The following HECW1 variants were observed in gnomAD, a reference collection of about 807,000 sequenced individuals.
HECW1 encodes E3 ubiquitin-protein ligase HECW1.
HECW1 carries 61 observed loss-of-function variants against 182.3 expected under a neutral mutation model. The observed-to-expected ratio is 0.33, with a 90% CI of 0.27 to 0.41. HECW1 has a LOEUF of 0.41. HECW1 is among the 10% of genes least tolerant of loss of function. The pLI, the probability that HECW1 is intolerant of heterozygous loss-of-function variation, is 1.00. For missense variants in HECW1, 1,739 were observed against 2,108.9 expected, an observed-to-expected ratio of 0.82 and a Z score of 3.44; for synonymous variants, 859 against 832.6, an observed-to-expected ratio of 1.03 and a Z score of -0.55.
chr7:43,252,843 G>A (rs1800179350), intron 3 of HECW1, among the ~76,000 whole-genome samples: 1 of 152,222 alleles, frequency 6.6e-6, no homozygotes, highest in Non-Finnish European at 1.5e-5. Context: ...GATGTAGAAT[G>A]TGGAAAAACT....
intron 24 of HECW1, chr7:43,523,257 G>A (rs1341806939): frequency 1.4e-5 from 3 of 220,968 alleles, no homozygotes; most frequent in Admixed American, 1.0e-4. Flanking sequence ...CACCTGCCTC[G>A]GCCTCCCAAA....
intron 8 of HECW1, among the ~76,000 whole-genome samples, chr7:43,416,703 C>A (rs1240702359): frequency 1.2e-4 from 18 of 145,480 alleles, no homozygotes; most frequent in South Asian, 2.3e-4. Context: ...TAGGACCCTC[C>A]GAGACAGGTG....
At chr7:43,237,499 T>C (rs1360739710) in intron 2 of HECW1, among the ~76,000 whole-genome samples, 2 of 152,190 alleles carry the variant, frequency 1.3e-5, no homozygotes, top group Non-Finnish European at 2.9e-5. Flanking sequence ...TGCTCCTTAC[T>C]ACTTGCATGA....
chr7:43,298,474 G>A (rs1279280816), intron 3 of HECW1, among the ~76,000 whole-genome samples: 1 of 152,200 alleles, frequency 6.6e-6, no homozygotes, highest in Non-Finnish European at 1.5e-5. Flanking sequence ...TAATAAAGCA[G>A]TAGTCATATG....
chr7:43,113,266 G>T (rs575804065), intron 1 of HECW1, among the ~76,000 whole-genome samples: 9 of 152,272 alleles, frequency 5.9e-5, no homozygotes, highest in African/African-American at 1.9e-4. Flanking sequence ...CCTCCCAGTG[G>T]CGAGGAGGTG....
intron 5 of HECW1, among the ~76,000 whole-genome samples, chr7:43,330,724 G>A (rs1487339792): frequency 6.6e-6 from 1 of 152,194 alleles, no homozygotes; most frequent in Non-Finnish European, 1.5e-5. Flanking sequence ...ACTGTAGGCT[G>A]AAAGGTATAG....
chr7:43,425,575 C>G (rs1007048210), intron 8 of HECW1, among the ~76,000 whole-genome samples: 4 of 151,964 alleles, frequency 2.6e-5, no homozygotes, highest in Admixed American at 2.0e-4. Context: ...TAATGGAATA[C>G]GACAGACTGG....
intron 6 of HECW1, among the ~76,000 whole-genome samples, chr7:43,366,306 A>G (rs773976652): frequency 2.0e-5 from 3 of 152,112 alleles, no homozygotes; most frequent in Non-Finnish European, 2.9e-5. Flanking sequence ...CCTCCTCCAC[A>G]TCAGTCTGAG....
chr7:43,467,145 T>C (rs1307100870), intron 15 of HECW1, among the ~76,000 whole-genome samples: 1 of 151,404 alleles, frequency 6.6e-6, no homozygotes, highest in Non-Finnish European at 1.5e-5. Flanking sequence ...ATCTAGGTGC[T>C]GGAGTCACAA....
At chr7:43,302,586 G>A (rs1454470741) in intron 3 of HECW1, among the ~76,000 whole-genome samples, 1 of 152,178 alleles carries the variant, frequency 6.6e-6, no homozygotes. Flanking sequence ...CATCATGGGG[G>A]CTCCTCACAA....
At chr7:43,402,263 A>G (rs1455201439) in intron 7 of HECW1, among the ~76,000 whole-genome samples, 1 of 152,000 alleles carries the variant, frequency 6.6e-6, no homozygotes, top group African/African-American at 2.4e-5. Context: ...GAGCACTGTA[A>G]CTCACCCACT....
intron 3 of HECW1, among the ~76,000 whole-genome samples, chr7:43,306,096 C>T (rs544467783): frequency 1.3e-5 from 2 of 152,190 alleles, no homozygotes; most frequent in East Asian, 3.9e-4. Flanking sequence ...GAGGTTTCGC[C>T]ATGTTGCCCA....
At chr7:43,123,622 C>T (rs1242165965) in intron 2 of HECW1, among the ~76,000 whole-genome samples, 1 of 152,162 alleles carries the variant, frequency 6.6e-6, no homozygotes, top group Non-Finnish European at 1.5e-5. Context: ...AGTCAAGTTT[C>T]TGTGGTTTTT....
intron 2 of HECW1, among the ~76,000 whole-genome samples, chr7:43,170,575 A>G (rs117551526): frequency 2.8e-4 from 42 of 152,242 alleles, no homozygotes; most frequent in Non-Finnish European, 5.7e-4. Context: ...GGGACAGCAC[A>G]CTCTCACTGG....
chr7:43,431,396 A>C (rs2076544929), intron 8 of HECW1, among the ~76,000 whole-genome samples: 1 of 152,102 alleles, frequency 6.6e-6, no homozygotes, highest in African/African-American at 2.4e-5. Context: ...CAATCTTGGG[A>C]ATCCAGGCTC....
chr7:43,168,275 A>T (rs73314731), intron 2 of HECW1, among the ~76,000 whole-genome samples: 132 of 152,286 alleles, frequency 8.7e-4, no homozygotes, highest in African/African-American at 3.1e-3. Flanking sequence ...AGAGACAGAG[A>T]GAGAGAGACA....
chr7:43,449,080 G>C (rs2077154610), intron 11 of HECW1, among the ~76,000 whole-genome samples: 1 of 152,192 alleles, frequency 6.6e-6, no homozygotes, highest in South Asian at 2.1e-4. Context: ...CCACTAGCTT[G>C]GAGGAGTAAT....
At chr7:43,274,076 C>T in intron 3 of HECW1, 1 of 350,184 alleles carries the variant, frequency 2.9e-6, no homozygotes, top group East Asian at 4.4e-5. Flanking sequence ...GTCTCGAACT[C>T]CTGACCTCAG....
chr7:43,361,013 T>A, intron 6 of HECW1, 33 bp downstream of exon 6: 1 of 1,450,588 alleles, frequency 6.9e-7, no homozygotes. Flanking sequence ...TGGTTAGACC[T>A]AACTCTGGTC....
Sources: gnomAD v4.1 joint callset for allele counts (sites outside exome capture counted in the v4.1 genomes callset) on GRCh38, gnomAD v4.1.1 for gene constraint, MANE v1.5 for transcripts, NCBI Gene and HGNC (gene_info 2026-07-23, HGNC 2026-07-21) for gene names.